Variants in KMT2C observed in about 807,000 individuals in gnomAD.
KMT2C encodes histone-lysine N-methyltransferase 2C.
Under a neutral mutation model 507.9 loss-of-function variants are expected in KMT2C, and 88 were observed. The ratio of observed to expected loss-of-function variants is 0.17; its 90% CI spans 0.15 to 0.21. The LOEUF (loss-of-function observed/expected upper bound fraction) is 0.21. KMT2C is among the 10% of genes least tolerant of loss of function. The probability of loss-of-function intolerance (pLI) is 1.00; values close to 1 mark genes in which losing one functional copy is unlikely to be tolerated. For synonymous variants in KMT2C, 2,049 were observed against 2,080.8 expected, an observed-to-expected ratio of 0.98 and a Z score of 0.42; for missense variants, 4,954 against 5,957.8, an observed-to-expected ratio of 0.83 and a Z score of 5.55.
chr7:152,379,046 G>GA (rs2097350252), intron 1 of KMT2C, among the ~76,000 whole-genome samples: 2 of 152,112 alleles, frequency 1.3e-5, no homozygotes. Flanking sequence ...CTGGTCTGTA[G>GA]AAAGAGTCCA....
intron 6 of KMT2C, among the ~76,000 whole-genome samples, chr7:152,275,117 C>T (rs562192452): frequency 9.9e-5 from 15 of 152,250 alleles, no homozygotes; most frequent in Admixed American, 9.8e-4. Flanking sequence ...TAATTGTTTT[C>T]AATGTTTTAT....
intron 6 of KMT2C, among the ~76,000 whole-genome samples, chr7:152,300,405 A>T (rs2096555668): frequency 6.6e-6 from 1 of 152,186 alleles, no homozygotes; most frequent in African/African-American, 2.4e-5. Context: ...AATTTCACAC[A>T]TGCTAGGCAG....
chr7:152,165,773 C>G (rs182426937), intron 42 of KMT2C, among the ~76,000 whole-genome samples: 38 of 152,324 alleles, frequency 2.5e-4, no homozygotes, highest in African/African-American at 8.2e-4. Context: ...ACTGCAGCCT[C>G]CACCTCCCGG....
At chr7:152,235,525 T>C (rs1588461946) in intron 16 of KMT2C, among the ~76,000 whole-genome samples, 1 of 151,982 alleles carries the variant, frequency 6.6e-6, no homozygotes, top group African/African-American at 2.4e-5. Context: ...CAAATATCTA[T>C]CAATCTTAAA....
intron 6 of KMT2C, among the ~76,000 whole-genome samples, chr7:152,308,051 A>G (rs1156937121): frequency 6.6e-6 from 1 of 152,216 alleles, no homozygotes; most frequent in Non-Finnish European, 1.5e-5. Flanking sequence ...AAGAATGTTC[A>G]GGCTGGGGAA....
intron 18 of KMT2C, among the ~76,000 whole-genome samples, chr7:152,227,099 C>T (rs989035754): frequency 3.3e-5 from 5 of 152,184 alleles, no homozygotes; most frequent in Non-Finnish European, 7.3e-5. Flanking sequence ...GTCTCTACAC[C>T]CACATCCACT....
At position 152,368,631 on chromosome 7, in the gene KMT2C, AAAG is replaced by A. The variant is rs2097266907; in HGVS notation, c.162-9959_162-9957del. Reference sequence around the variant, plus strand: ...AACAGAACTCTTCGAGAACCTTGGAAAAGAACAAGAAGAAAGGGAAGATCTTTT... The same window carrying A: ...AACAGAACTCTTCGAGAACCTTGGAAAACAAGAAGAAAGGGAAGATCTTTT... On this transcript the variant is annotated intron_variant, in intron 1 of 58. Transcript: ENST00000262189. The A allele has an allele frequency of 3.4e-6, 5 of 1,465,044 alleles. No individual in the cohort carries two copies. The South Asian group carries it at 5.9e-5, about 17-fold the overall frequency. 90.8% of individuals were successfully genotyped at this position (1,465,044 alleles called of 1,614,324 possible).
intron 1 of KMT2C, among the ~76,000 whole-genome samples, chr7:152,395,022 T>C (rs2097528310): frequency 6.6e-6 from 1 of 151,958 alleles, no homozygotes; most frequent in South Asian, 2.1e-4. Context: ...GGTAGGCAGT[T>C]TGCAAAAAAA....
intron 46 of KMT2C, among the ~76,000 whole-genome samples, chr7:152,155,697 T>C (rs182200710): frequency 1.6e-4 from 25 of 152,298 alleles, no homozygotes; most frequent in Non-Finnish European, 2.8e-4. Context: ...ATTATTTAAC[T>C]CTCTATATGA....
intron 5 of KMT2C, 96 bp downstream of exon 5, chr7:152,311,702 G>T: frequency 1.2e-6 from 1 of 837,844 alleles, no homozygotes; most frequent in Non-Finnish European, 1.8e-6. Flanking sequence ...ATTATTTCTA[G>T]ATGAAAGGTA....
At chr7:152,365,504 TCAAACAAACAAACAAA>T (rs112555469) in intron 1 of KMT2C, among the ~76,000 whole-genome samples, 1 of 152,086 alleles carries the variant, frequency 6.6e-6, no homozygotes, top group African/African-American at 2.4e-5. Context: ...AGACCCTGTC[TCAAACAAACAAACAAA>T]CAAACAAACA....
chr7:152,183,989 T>C (rs1190058717), intron 34 of KMT2C, among the ~76,000 whole-genome samples: 2 of 151,556 alleles, frequency 1.3e-5, no homozygotes, highest in African/African-American at 4.9e-5. Flanking sequence ...GGAGAATCGC[T>C]TGAATCTGGA....
rs752338525 is a variant in KMT2C, at chr7:152,169,227, A to G, written c.9476T>C (p.Ile3159Thr). 6.2e-7 allele frequency: 1 copy of G among 1,600,082 alleles called. No individual in the cohort carries two copies. The highest frequency in any genetic ancestry group is 8.6e-7 in the Non-Finnish European group (1 of 1,167,272). ...IPQDGSITHQ[I>T]SRPNPPNFGP... ...AAAATTTGGAGGATTAGGCCTAGAA[A>G]TCTGATGTGTTATACTGCCATCCTA... Residue 3159 changes from isoleucine (I) to threonine (T), a missense_variant, in exon 41 of 59, where the codon ATT becomes ACT. Coordinates refer to ENST00000262189, the MANE Select transcript of KMT2C (RefSeq NM_170606.3).
At chr7:152,190,437 T>A (rs1054887441) in intron 31 of KMT2C, among the ~76,000 whole-genome samples, 1 of 152,238 alleles carries the variant, frequency 6.6e-6, no homozygotes, top group Non-Finnish European at 1.5e-5. Context: ...CTAAGCACTG[T>A]CTTAAAAGCT....
chr7:152,307,278 A>AAAGGAAGGAAGGAAGGAAGGAAGGAAGG (rs35363127), intron 6 of KMT2C, among the ~76,000 whole-genome samples: 4 of 107,390 alleles, frequency 3.7e-5, no homozygotes, highest in African/African-American at 1.3e-4. Context: ...AGGAAGAAAG[A>AAAGGAAGGAAGGAAGGAAGGAAGGAAGG]AAGGAAGGAA....
intron 1 of KMT2C, chr7:152,367,906 A>T: frequency 2.9e-6 from 3 of 1,048,778 alleles, no homozygotes; most frequent in Non-Finnish European, 4.5e-6. Flanking sequence ...TCGCATGAAA[A>T]AGTGATTATC....
intron 6 of KMT2C, among the ~76,000 whole-genome samples, chr7:152,297,047 A>AAGAC (rs1563766857): frequency 2.9e-5 from 2 of 68,976 alleles, no homozygotes; most frequent in African/African-American, 1.1e-4. Context: ...GAAAGAAAGA[A>AAGAC]AGAAAGACAG....
At chr7:152,411,343 G>A (rs1214426110) in intron 1 of KMT2C, among the ~76,000 whole-genome samples, 3 of 152,150 alleles carry the variant, frequency 2.0e-5, no homozygotes, top group Middle Eastern at 3.4e-3. Flanking sequence ...GGCGGGATCC[G>A]TGGCTCCCAA....
intron 8 of KMT2C, among the ~76,000 whole-genome samples, chr7:152,263,548 C>T (rs2095814823): frequency 6.6e-6 from 1 of 152,166 alleles, no homozygotes; most frequent in African/African-American, 2.4e-5. Context: ...CATCAGATCT[C>T]TATTTGTATT....
Sources: gnomAD v4.1 joint callset for allele counts (sites outside exome capture counted in the v4.1 genomes callset) on GRCh38, gnomAD v4.1.1 for gene constraint, MANE v1.5 for transcripts, NCBI Gene and HGNC (gene_info 2026-07-23, HGNC 2026-07-21) for gene names.